The following SLC6A8 variants were observed in gnomAD, a reference collection of about 807,000 sequenced individuals.
SLC6A8 encodes sodium- and chloride-dependent creatine transporter 1.
SLC6A8 carries 6 observed loss-of-function variants against 48.3 expected under a neutral mutation model. The observed-to-expected ratio is 0.12, with a 90% CI of 0.07 to 0.25. SLC6A8 has a LOEUF of 0.25. SLC6A8 is among the 10% of genes least tolerant of loss of function. The pLI, the probability that SLC6A8 is intolerant of heterozygous loss-of-function variation, is 1.00. For missense variants in SLC6A8, 260 were observed against 551.5 expected (o/e 0.47, Z 5.29); for synonymous variants, 245 against 244.0 (o/e 1.00, Z -0.04).
At chrX:153,689,694 C>G (rs1557044068) in intron 1 of SLC6A8, 1 of 193,650 alleles carries the variant, frequency 5.2e-6, no homozygotes, top group African/African-American at 3.1e-5. Flanking sequence ...TAGTGGCACC[C>G]AGCTCTCCCT....
At chrX:153,689,840 C>T (rs2091445868) in intron 1 of SLC6A8, among the ~76,000 whole-genome samples, 1 of 112,346 alleles carries the variant, frequency 8.9e-6, no homozygotes, top group Non-Finnish European at 1.9e-5. Context: ...CTGTATCCCT[C>T]TGTCCTTGCA....
At chrX:153,692,699 C>T in intron 4 of SLC6A8, 2 of 374,510 alleles carry the variant, frequency 5.3e-6, no homozygotes, top group Non-Finnish European at 1.0e-5. Context: ...CGCTCCCTGC[C>T]TGGGCCTCCC....
chrX:153,688,947 C>A, intron 1 of SLC6A8, 111 bp downstream of exon 1: 1 of 330,150 alleles, frequency 3.0e-6, no homozygotes, highest in Non-Finnish European at 4.6e-6. Flanking sequence ...GGCCCCCGGG[C>A]ACGCGGGGGT....
chrX:153,688,893 G>C, intron 1 of SLC6A8, 57 bp downstream of exon 1: 1 of 799,409 alleles, frequency 1.3e-6, no homozygotes, highest in Non-Finnish European at 1.7e-6. Context: ...GCCCCCGCCC[G>C]ACCCCCGGAG....
Position 153,688,672 on chromosome X carries a change from A to T in SLC6A8, c.98A>T (p.Lys33Met). The change falls in exon 1 of 13, where the codon AAG (lysine) becomes ATG (methionine). Residue 33 changes from lysine to methionine, a missense_variant. Around this residue, in one of 7 missense-constraint regions of SLC6A8, gnomAD observed 50 missense variants for 55.1 expected, o/e 0.91. Coordinates refer to ENST00000253122, the MANE Select transcript of SLC6A8 (RefSeq NM_005629.4). ...CCCGGGCCCGACGGGGCCCCGGCCA[A>T]GGGCGACGGCCCCGTGGGCCTGGGG... ...IAPGPDGAPA[K>M]GDGPVGLGTP... 8 of 1,085,829 alleles carry T rather than the reference A, an allele frequency of 7.4e-6. No homozygotes were observed. Among genetic ancestry groups the T allele is most frequent in the Non-Finnish European group, 9.6e-6 (8 of 831,350 alleles). 89.5% of individuals were successfully genotyped at this position (1,085,829 alleles called of 1,213,427 possible). A position where few individuals can be genotyped will look rare whatever the true frequency, so the allele number is the denominator to read the frequency against.
chrX:153,695,460 G>T lies in SLC6A8; in HGVS notation c.*246G>T, dbSNP rs1204646075. The stretch of plus-strand genomic sequence containing the variant: ...TCCAGCCCTAGCCGAGCTGGTCCTA[G>T]GCCCCGCCTAGTGCCCCACCCCCAC... On this transcript the variant is annotated 3_prime_UTR_variant, in exon 13 of 13. Coordinates refer to ENST00000253122, the MANE Select transcript of SLC6A8 (RefSeq NM_005629.4). The T allele has an allele frequency of 4.9e-6, 2 of 410,380 alleles. No individual in the cohort carries two copies. The highest frequency in any genetic ancestry group is 2.5e-5 in the African/African-American group (1 of 39,268). The allele number at this position is 410,380 out of a possible 1,213,427, so 33.8% of individuals were successfully genotyped here.
rs782132190 is a variant in SLC6A8, at chrX:153,692,879, C to T, written c.778-162C>T. 43 of 685,466 alleles carry T rather than the reference C, an allele frequency of 6.3e-5. 1 individual carries two copies. The highest frequency in any genetic ancestry group is 8.5e-5 in the Non-Finnish European group (38 of 445,269). 56.5% of individuals were successfully genotyped at this position (685,466 alleles called of 1,213,427 possible). A position where few individuals can be genotyped will look rare whatever the true frequency, so the allele number is the denominator to read the frequency against. ...CCCCACTGCACTTGGCCAGGGCTGC[C>T]GGGGCGCAGCCTTGCCCCTAGCTTC... On this transcript the variant is annotated intron_variant, in intron 4 of 12. Transcript: ENST00000253122.
At position 153,690,601 on chromosome X, in the gene SLC6A8, G is replaced by A; in HGVS notation, c.394+95G>A. On this transcript the variant is annotated intron_variant, in intron 2 of 12. Coordinates refer to ENST00000253122, the MANE Select transcript of SLC6A8 (RefSeq NM_005629.4). ...TCCTGTCGTGAGCACCAGGCCTGGG[G>A]CCACGTGATGGCGTCCCAGTCTCGA... is the stretch of plus-strand genomic sequence containing the variant. The A allele has an allele frequency of 3.1e-6, 3 of 953,327 alleles. No individual in the cohort carries two copies. In the South Asian group the frequency reaches 6.3e-5, roughly 20 times the overall value. The allele number at this position is 953,327 out of a possible 1,213,427, so 78.6% of individuals were successfully genotyped here.
In SLC6A8 at chrX:153,696,378, G is replaced by A. The variant is rs1179934845; in HGVS notation, c.*1164G>A. ...CAGGCTTAAGGTGGATGCACTTCCC[G>A]CACCTCCAGTCTTCTGTGTAGCAGC... On this transcript the variant is annotated 3_prime_UTR_variant, in exon 13 of 13. Coordinates refer to ENST00000253122, the MANE Select transcript of SLC6A8 (RefSeq NM_005629.4). 8.8e-5 allele frequency: 29 copies of A among 329,926 alleles called. No individual in the cohort carries two copies. Among genetic ancestry groups the A allele is most frequent in the East Asian group, 2.0e-4 (2 of 10,248 alleles). The allele number at this position is 329,926 out of a possible 1,213,427, so 27.2% of individuals were successfully genotyped here.
chrX:153,693,537 C>G lies in SLC6A8; in HGVS notation c.1092C>G (p.Gly364=). 3 of 1,210,687 alleles carry G rather than the reference C, an allele frequency of 2.5e-6. No individual in the cohort carries two copies. Among genetic ancestry groups the G allele is most frequent in the Non-Finnish European group, 3.4e-6 (3 of 894,552 alleles). The part of the protein sequence containing the change: ...FAGFVVFSIL[G]FMAAEQGVHI... Reference sequence around the variant, plus strand: ...GCTTCGTGGTCTTCTCCATCCTGGGCTTCATGGCTGCAGAGCAGGGCGTGC... The same window carrying G: ...GCTTCGTGGTCTTCTCCATCCTGGGGTTCATGGCTGCAGAGCAGGGCGTGC... Residue 364 remains glycine, a synonymous_variant, in exon 7 of 13, where the codon GGC becomes GGG. Coordinates refer to ENST00000253122, the MANE Select transcript of SLC6A8 (RefSeq NM_005629.4).
Position 153,688,120 on chromosome X carries a change from G to A in SLC6A8, c.-455G>A, listed in dbSNP as rs1233128305. On this transcript the variant is annotated 5_prime_UTR_variant, in exon 1 of 13. Coordinates refer to ENST00000253122, the MANE Select transcript of SLC6A8 (RefSeq NM_005629.4). ...GGCAGCCTCCGCGGGCCCCGGCCGG[G>A]GCGGGGGGCGCGGGCCACAGGCCCC... 4 of 97,773 alleles carry A rather than the reference G, an allele frequency of 4.1e-5. No homozygotes were observed. Among genetic ancestry groups the A allele is most frequent in the African/African-American group, 1.1e-4 (3 of 27,192 alleles). The allele number at this position is 97,773 out of a possible 1,213,427, so 8.1% of individuals were successfully genotyped here.
In SLC6A8 at chrX:153,695,305, C is replaced by G. The variant is rs1280021602; in HGVS notation, c.*91C>G. 4.1e-6 allele frequency: 4 copies of G among 980,588 alleles called. No individual in the cohort carries two copies. The African/African-American group carries it at 5.7e-5, about 14-fold the overall frequency. The allele number at this position is 980,588 out of a possible 1,213,427, so 80.8% of individuals were successfully genotyped here. On this transcript the variant is annotated 3_prime_UTR_variant, in exon 13 of 13. Transcript: ENST00000253122. ...ACCCCTCCAGGGGGCCTGCCTTTCCCTGACACTTTTGGGGTCTGCCTGGGG... is the reference window on the plus strand; with the variant it reads ...ACCCCTCCAGGGGGCCTGCCTTTCCGTGACACTTTTGGGGTCTGCCTGGGG...
Position 153,693,092 on chromosome X carries a change from G to C in SLC6A8, c.829G>C (p.Val277Leu). ...CTACGTGGTCCTGGTCGTGCTGCTGGTGCGTGGAGTGCTGCTGCCTGGCGC... is the reference window on the plus strand; with the variant it reads ...CTACGTGGTCCTGGTCGTGCTGCTGCTGCGTGGAGTGCTGCTGCCTGGCGC... ...FPYVVLVVLL[V>L]RGVLLPGALD... The change falls in exon 5 of 13, where the codon GTG (valine) becomes CTG (leucine). Residue 277 changes from valine to leucine, a missense_variant. Transcript: ENST00000253122. The C allele has an allele frequency of 1.7e-6, 2 of 1,210,484 alleles. No homozygotes were observed. The highest frequency in any genetic ancestry group is 2.2e-6 in the Non-Finnish European group (2 of 894,678).
rs1557045860 is a variant in SLC6A8 at position 153,695,171 on chromosome X, T to G, written c.1865T>G (p.Val622Gly). The G allele has an allele frequency of 1.7e-6, 2 of 1,192,629 alleles. No individual in the cohort carries two copies. Among genetic ancestry groups the G allele is most frequent in the Non-Finnish European group, 2.3e-6 (2 of 885,974 alleles). The change falls in exon 13 of 13, where the codon GTG becomes GGG. Residue 622 changes from valine (V) to glycine (G), a missense_variant. Physicochemically the swap from Val to Gly is moderately radical, Grantham distance 109 (BLOSUM62 -3). Around this residue, in one of 7 missense-constraint regions of SLC6A8, gnomAD observed 87 missense variants for 120.9 expected, o/e 0.72. Coordinates refer to ENST00000253122, the MANE Select transcript of SLC6A8 (RefSeq NM_005629.4). ...AGGGGCCTGACCACCCTGACCCCAG[T>G]GTCCGAGAGCAGCAAGGTCGTCGTG... Reference protein sequence around the residue: ...DVRGLTTLTPVSESSKVVVVE... With the variant: ...DVRGLTTLTPGSESSKVVVVE...
intron 3 of SLC6A8, among the ~76,000 whole-genome samples, chrX:153,691,756 TC>T (rs2091457369): frequency 8.9e-6 from 1 of 112,174 alleles, no homozygotes; most frequent in African/African-American, 3.2e-5. Flanking sequence ...TCCTGGTCAC[TC>T]CCCCCTGATG....
chrX:153,690,795 AT>A (rs1362340276), intron 2 of SLC6A8: 11 of 326,822 alleles, frequency 3.4e-5, no homozygotes, highest in Admixed American at 9.4e-5. Flanking sequence ...TACTGTTACT[AT>A]CCCCAAGGAC....
Position 153,694,900 on chromosome X carries a change from C to A in SLC6A8, c.1767+11C>A, listed in dbSNP as rs782709232. 5.4e-6 allele frequency: 6 copies of A among 1,100,970 alleles called. No homozygotes were observed. In the South Asian group the frequency reaches 9.7e-5, roughly 18 times the overall value. The allele number at this position is 1,100,970 out of a possible 1,213,427, so 90.7% of individuals were successfully genotyped here. A position where few individuals can be genotyped will look rare whatever the true frequency, so the allele number is the denominator to read the frequency against. On this transcript the variant is annotated intron_variant, in intron 12 of 12. Transcript: ENST00000253122. ...GGCACCATGGCTGAGGTAAGGCTCC[C>A]GCCCGGCCCGCCCTCCCCTCCCCTG...
At chrX:153,691,214 G>T in intron 2 of SLC6A8, 90 bp from the exon 3 acceptor site, 1 of 1,038,434 alleles carries the variant, frequency 9.6e-7, no homozygotes, top group Non-Finnish European at 1.3e-6. Flanking sequence ...CAGATGGTGG[G>T]AGCACGGCCA....
rs371155660 is a variant in SLC6A8, at chrX:153,695,220, C to G, written c.*6C>G. On this transcript the variant is annotated 3_prime_UTR_variant, in exon 13 of 13. Coordinates refer to ENST00000253122, the MANE Select transcript of SLC6A8 (RefSeq NM_005629.4). The stretch of plus-strand genomic sequence containing the variant: ...TGGTGGAGAGTGTCATGTGACAACT[C>G]AGCTCACATCACCAGCTCACCTCTG... 8.5e-7 allele frequency: 1 copy of G among 1,178,388 alleles called. No individual in the cohort carries two copies. The highest frequency in any genetic ancestry group is 1.1e-6 in the Non-Finnish European group (1 of 877,639).
Sources: gnomAD v4.1 joint callset for allele counts (sites outside exome capture counted in the v4.1 genomes callset) on GRCh38, gnomAD v4.1.1 for gene constraint, gnomAD v4.1.1 regional missense constraint, MANE v1.5 for transcripts, NCBI Gene and HGNC (gene_info 2026-07-23, HGNC 2026-07-21) for gene names.